Variants in CTNNA2 observed in about 807,000 individuals in gnomAD.
CTNNA2 encodes catenin alpha 2.
CTNNA2 carries 42 observed loss-of-function variants against 101.0 expected under a neutral mutation model. That is an observed-to-expected ratio of 0.42 (90% CI 0.32 to 0.54). The LOEUF is 0.54. CTNNA2 is among the 20% of genes least tolerant of loss of function. The pLI is 0.14. For missense variants in CTNNA2, 871 were observed against 1,223.1 expected, an observed-to-expected ratio of 0.71 and a Z score of 4.29; for synonymous variants, 450 against 456.4, an observed-to-expected ratio of 0.99 and a Z score of 0.18.
At chr2:79,244,845 A>G (rs1179894289) in intron 2 of CTNNA2, among the ~76,000 whole-genome samples, 1 of 152,236 alleles carries the variant, frequency 6.6e-6, no homozygotes, top group Admixed American at 6.5e-5. Flanking sequence ...CTGTAATCCC[A>G]GCACTTTGGG....
intron 3 of CTNNA2, among the ~76,000 whole-genome samples, chr2:79,816,918 C>A (rs1677550402): frequency 6.6e-6 from 1 of 152,118 alleles, no homozygotes; most frequent in African/African-American, 2.4e-5. Flanking sequence ...TAACTTTTTC[C>A]CCTGTCCTAA....
chr2:79,282,603 C>T (rs1675424883), intron 2 of CTNNA2, among the ~76,000 whole-genome samples: 1 of 146,470 alleles, frequency 6.8e-6, no homozygotes, highest in South Asian at 2.3e-4. Flanking sequence ...TTTTTTATGG[C>T]TGCATAGTAT....
At chr2:79,805,836 G>A (rs1232901921) in intron 3 of CTNNA2, among the ~76,000 whole-genome samples, 1 of 152,016 alleles carries the variant, frequency 6.6e-6, no homozygotes, top group Non-Finnish European at 1.5e-5. Context: ...TACTTGGGAG[G>A]CTGAGGCAGG....
At chr2:79,290,044 G>A (rs925736199) in intron 2 of CTNNA2, among the ~76,000 whole-genome samples, 7 of 152,076 alleles carry the variant, frequency 4.6e-5, no homozygotes, top group East Asian at 1.9e-4. Context: ...ACAGTTAGGG[G>A]GCTACATACT....
chr2:80,063,597 A>G (rs1479087112), intron 7 of CTNNA2, among the ~76,000 whole-genome samples: 1 of 152,226 alleles, frequency 6.6e-6, no homozygotes, highest in Admixed American at 6.5e-5. Context: ...ATTTGCCTGG[A>G]AGGCATCAGA....
intron 7 of CTNNA2, among the ~76,000 whole-genome samples, chr2:80,043,328 G>A (rs1280732867): frequency 1.3e-5 from 2 of 151,244 alleles, no homozygotes; most frequent in African/African-American, 4.9e-5. Context: ...CTCCTGAGTA[G>A]CTGGGACTAC....
At chr2:79,833,291 C>G (rs1679067205) in intron 3 of CTNNA2, among the ~76,000 whole-genome samples, 1 of 152,150 alleles carries the variant, frequency 6.6e-6, no homozygotes, top group African/African-American at 2.4e-5. Context: ...AAAACTTTGT[C>G]TTTCCAGGGC....
rs554177318 is a variant in CTNNA2 at position 79,950,590 on chromosome 2, C to T, written c.1056+40793C>T. ...GAATGTTTACTGACTGCTTGATTTG[C>T]TAACATATTATACCCTTCGATTTTC... On this transcript the variant is annotated intron_variant, in intron 7 of 18. Transcript: ENST00000402739. Among the ~76,000 whole-genome samples, 5 of 152,300 alleles carry T rather than the reference C, an allele frequency of 3.3e-5. No individual in the cohort carries two copies. In the South Asian group the frequency reaches 6.2e-4, roughly 19 times the overall value.
chr2:80,308,543 A>G (rs546218393), intron 7 of CTNNA2, among the ~76,000 whole-genome samples: 3 of 152,296 alleles, frequency 2.0e-5, no homozygotes, highest in South Asian at 2.1e-4. Flanking sequence ...GGCATTTTAC[A>G]GAATGCTCAA....
chr2:79,195,967 C>T (rs1572973436), intron 1 of CTNNA2: 8 of 415,460 alleles, frequency 1.9e-5, no homozygotes, highest in Admixed American at 2.7e-5. Flanking sequence ...GATGGAGTCT[C>T]GATCTGTCAC....
At chr2:80,186,965 A>G (rs1254179615) in intron 7 of CTNNA2, among the ~76,000 whole-genome samples, 1 of 152,208 alleles carries the variant, frequency 6.6e-6, no homozygotes, top group Non-Finnish European at 1.5e-5. Flanking sequence ...ATGCATCTAG[A>G]ACTTACACTG....
In CTNNA2 at chr2:79,270,452, C is replaced by T. The variant is rs72915193; in HGVS notation, c.-405-42257C>T. ...CTCTTATCTGGTTTCTAACAACCCC[C>T]TGCTTTGCTAATTCTTGGTAATTGA... On this transcript the variant is annotated intron_variant, in intron 2 of 21. Coordinates refer to the CTNNA2 transcript ENST00000466387. Among the ~76,000 whole-genome samples the T allele has an allele frequency of 2.0e-3, 305 of 152,220 alleles. 2 individuals carry two copies. Among genetic ancestry groups the T allele is most frequent in the African/African-American group, 7.2e-3 (299 of 41,572 alleles).
intron 1 of CTNNA2, among the ~76,000 whole-genome samples, chr2:79,592,796 T>C (rs1224196012): frequency 6.6e-6 from 1 of 152,250 alleles, no homozygotes; most frequent in Non-Finnish European, 1.5e-5. Context: ...GCATATGATC[T>C]GACTCTATCC....
chr2:80,408,369 A>G (rs1679250483), intron 8 of CTNNA2, among the ~76,000 whole-genome samples: 1 of 152,182 alleles, frequency 6.6e-6, no homozygotes, highest in South Asian at 2.1e-4. Flanking sequence ...TCGTCTCTAT[A>G]TCTTGCTTCA....
chr2:79,980,649 A>G (rs1691200240), intron 7 of CTNNA2, among the ~76,000 whole-genome samples: 1 of 152,176 alleles, frequency 6.6e-6, no homozygotes, highest in South Asian at 2.1e-4. Context: ...TAAAAGTAAA[A>G]TATAATGTTA....
intron 1 of CTNNA2, among the ~76,000 whole-genome samples, chr2:79,541,539 T>C (rs1346214494): frequency 1.3e-5 from 2 of 151,654 alleles, no homozygotes; most frequent in African/African-American, 2.4e-5. Flanking sequence ...GCCCAAATTC[T>C]TATGGCTTAG....
intron 7 of CTNNA2, among the ~76,000 whole-genome samples, chr2:80,015,267 T>G (rs932409550): frequency 3.3e-5 from 5 of 152,176 alleles, no homozygotes; most frequent in African/African-American, 1.2e-4. Flanking sequence ...TCTTTTGGCC[T>G]GCTTGTGTAC....
In CTNNA2 at chr2:79,540,689, T is replaced by C. The variant is rs144512002; in HGVS notation, c.-6+27482T>C. Among the ~76,000 whole-genome samples the C allele has an allele frequency of 3.7e-3, 559 of 152,354 alleles. 2 individuals are homozygous for C. The highest frequency in any genetic ancestry group is 0.011 in the African/African-American group (474 of 41,576). On this transcript the variant is annotated intron_variant, in intron 1 of 18. Coordinates refer to ENST00000402739, the MANE Select transcript of CTNNA2 (RefSeq NM_001282597.3). Reference sequence around the variant, plus strand: ...GTATTTATAATGAGCACATGAAATATAAGTGAACCAAATGTGATTCAATTT... The same window carrying C: ...GTATTTATAATGAGCACATGAAATACAAGTGAACCAAATGTGATTCAATTT...
chr2:80,572,240 CT>C (rs750071742), intron 12 of CTNNA2, among the ~76,000 whole-genome samples: 25 of 152,148 alleles, frequency 1.6e-4, no homozygotes, highest in Non-Finnish European at 3.1e-4. Flanking sequence ...CATTATTTCT[CT>C]GATTATGGGT....
Sources: allele counts gnomAD v4.1 joint callset (sites outside exome capture counted in the v4.1 genomes callset), GRCh38; gene constraint gnomAD v4.1.1; transcripts MANE v1.5; gene names NCBI Gene and HGNC (gene_info 2026-07-23, HGNC 2026-07-21).